Variants in PCDH15 observed in about 807,000 individuals in gnomAD.
PCDH15 encodes protocadherin-15.
In PCDH15, 129 loss-of-function variants were observed where a neutral mutation model predicts 178.5. That is an observed-to-expected ratio of 0.72 (90% CI 0.63 to 0.84). The LOEUF (loss-of-function observed/expected upper bound fraction) is 0.84. Ranked by LOEUF, PCDH15 falls within the 40% of genes least tolerant of loss-of-function variation. PCDH15 has a pLI of 0.00. For synonymous variants in PCDH15, 800 were observed against 732.0 expected (o/e 1.09, Z -1.50); for missense variants, 2,230 against 2,099.9 (o/e 1.06, Z -1.21).
intron 2 of PCDH15, among the ~76,000 whole-genome samples, chr10:54,663,323 A>C (rs2094520349): frequency 6.6e-6 from 1 of 151,712 alleles, no homozygotes; most frequent in Admixed American, 6.6e-5. Flanking sequence ...AACGAGGAAA[A>C]GTTAAAAGAA....
intron 1 of PCDH15, among the ~76,000 whole-genome samples, chr10:55,254,252 T>C (rs1437799783): frequency 1.3e-5 from 2 of 152,170 alleles, no homozygotes; most frequent in Non-Finnish European, 2.9e-5. Context: ...ACATGGTACA[T>C]AATAAGGTAG....
chr10:55,083,332 C>T (rs975721476), intron 2 of PCDH15, among the ~76,000 whole-genome samples: 1 of 151,540 alleles, frequency 6.6e-6, no homozygotes, highest in African/African-American at 2.4e-5. Context: ...TGCTGAAATA[C>T]TGAAAAAATA....
intron 3 of PCDH15, among the ~76,000 whole-genome samples, chr10:54,852,852 C>CA (rs1458379540): frequency 1.1e-5 from 1 of 92,654 alleles, no homozygotes; most frequent in African/African-American, 5.0e-5. Context: ...GACTCTGTCT[C>CA]AAAAAAATAA....
At chr10:55,464,178 T>C (rs1839778763) in intron 2 of PCDH15, among the ~76,000 whole-genome samples, 1 of 152,062 alleles carries the variant, frequency 6.6e-6, no homozygotes, top group Non-Finnish European at 1.5e-5. Context: ...ATTGTTGCAA[T>C]ATAGTATACA....
chr10:55,046,981 T>C (rs1841022863), intron 2 of PCDH15, among the ~76,000 whole-genome samples: 1 of 151,918 alleles, frequency 6.6e-6, no homozygotes, highest in Non-Finnish European at 1.5e-5. Flanking sequence ...TTCAATGTTG[T>C]TCTTGTTAGT....
At chr10:55,138,145 C>T (rs559976341) in intron 2 of PCDH15, among the ~76,000 whole-genome samples, 14 of 152,086 alleles carry the variant, frequency 9.2e-5, no homozygotes, top group Middle Eastern at 3.4e-3. Flanking sequence ...GTAGGTTTGC[C>T]AAATTTAGCA....
At chr10:54,745,846 T>C (rs565809297) in intron 1 of PCDH15, among the ~76,000 whole-genome samples, 1 of 152,190 alleles carries the variant, frequency 6.6e-6, no homozygotes, top group Non-Finnish European at 1.5e-5. Flanking sequence ...TCACTAATTA[T>C]AGCATTAAGT....
chr10:54,267,114 G>T (rs1214362864), intron 8 of PCDH15, among the ~76,000 whole-genome samples: 1 of 151,772 alleles, frequency 6.6e-6, no homozygotes, highest in Non-Finnish European at 1.5e-5. Context: ...GGATGCAAGG[G>T]TTGTTCAATA....
intron 26 of PCDH15, among the ~76,000 whole-genome samples, chr10:53,884,506 T>A (rs546728060): frequency 6.6e-6 from 1 of 152,298 alleles, no homozygotes; most frequent in South Asian, 2.1e-4. Context: ...AAAAACTGAC[T>A]GTACTGAGAA....
At chr10:53,991,181 G>T (rs2610884) in intron 21 of PCDH15, among the ~76,000 whole-genome samples, 13,726 of 152,172 alleles carry the variant, frequency 0.09, 1,179 homozygotes, top group African/African-American at 0.22. Context: ...AACTGCCCAA[G>T]GGCTGAGGAG....
chr10:55,510,521 T>C (rs894688689), intron 2 of PCDH15, among the ~76,000 whole-genome samples: 1 of 151,964 alleles, frequency 6.6e-6, no homozygotes, highest in Non-Finnish European at 1.5e-5. Context: ...CAATAACTTG[T>C]GTCCTAATCT....
intron 25 of PCDH15, among the ~76,000 whole-genome samples, chr10:53,936,559 T>C (rs189813792): frequency 3.9e-5 from 6 of 152,266 alleles, no homozygotes; most frequent in African/African-American, 1.4e-4. Context: ...TCTCTGTAAT[T>C]TTTGTATGTT....
intron 2 of PCDH15, among the ~76,000 whole-genome samples, chr10:55,556,522 G>T (rs559865801): frequency 6.6e-6 from 1 of 152,098 alleles, no homozygotes; most frequent in South Asian, 2.1e-4. Context: ...ATTTTTTGTA[G>T]ACTGGGTTTA....
intron 2 of PCDH15, among the ~76,000 whole-genome samples, chr10:54,961,785 A>G (rs1838662355): frequency 6.6e-6 from 1 of 151,760 alleles, no homozygotes; most frequent in African/African-American, 2.4e-5. Flanking sequence ...CTCTACTCTC[A>G]CTGGGACAAC....
At chr10:54,320,514 C>G (rs1453285361) in intron 7 of PCDH15, among the ~76,000 whole-genome samples, 1 of 151,754 alleles carries the variant, frequency 6.6e-6, no homozygotes, top group African/African-American at 2.4e-5. Flanking sequence ...ATAAATTATT[C>G]TTAAGATGTA....
intron 3 of PCDH15, among the ~76,000 whole-genome samples, chr10:54,881,374 A>G (rs2131806325): frequency 6.6e-6 from 1 of 152,156 alleles, no homozygotes; most frequent in South Asian, 2.1e-4. Context: ...TTCAGAAGCG[A>G]TATTTAGTTC....
chr10:54,329,549 TA>T (rs761958059), intron 7 of PCDH15, 46 bp downstream of exon 7: 3 of 1,404,756 alleles, frequency 2.1e-6, no homozygotes, highest in Non-Finnish European at 3.0e-6. Context: ...ATGAGTTTTT[TA>T]CTTCATAAAT....
chr10:54,068,549 A>G lies in PCDH15; in HGVS notation c.2092-1664T>C, dbSNP rs138247548. ...TACTGAGAATGTACGAACTACTGCTATAAGTAATAACATGGATTAATTTCA... is the reference window on the plus strand; with the variant it reads ...TACTGAGAATGTACGAACTACTGCTGTAAGTAATAACATGGATTAATTTCA... On this transcript the variant is annotated intron_variant, in intron 17 of 37. Coordinates refer to ENST00000644397, the MANE Select transcript of PCDH15 (RefSeq NM_001384140.1). Among the ~76,000 whole-genome samples, 33 of 152,316 alleles carry G rather than the reference A, an allele frequency of 2.2e-4. No homozygotes were observed. In the East Asian group the frequency reaches 6.2e-3, roughly 29 times the overall value.
intron 13 of PCDH15, among the ~76,000 whole-genome samples, chr10:54,174,637 CT>C (rs2047239361): frequency 6.6e-6 from 1 of 150,610 alleles, no homozygotes; most frequent in Non-Finnish European, 1.5e-5. Context: ...TCAAGAATAA[CT>C]TTTTCCAATC....
Sources: allele counts gnomAD v4.1 joint callset (sites outside exome capture counted in the v4.1 genomes callset), GRCh38; gene constraint gnomAD v4.1.1; transcripts MANE v1.5; gene names NCBI Gene and HGNC (gene_info 2026-07-23, HGNC 2026-07-21).